The following AFF3 variants were observed in gnomAD, a reference collection of about 807,000 sequenced individuals.
AFF3 encodes the protein ALF transcription elongation factor 3.
A neutral mutation model predicts 129.7 loss-of-function variants in AFF3; 32 were observed. The observed-to-expected ratio is 0.25, with a 90% CI of 0.19 to 0.33. AFF3 has a LOEUF of 0.33. AFF3 is among the 10% of genes least tolerant of loss of function. The probability of loss-of-function intolerance (pLI) is 1.00; values close to 1 mark genes in which losing one functional copy is unlikely to be tolerated. For synonymous variants in AFF3, 644 were observed against 635.4 expected, an observed-to-expected ratio of 1.01 and a Z score of -0.20; for missense variants, 1,373 against 1,592.0, an observed-to-expected ratio of 0.86 and a Z score of 2.34.
chr2:99,560,233 T>C (rs752900372), intron 21 of AFF3, 132 bp downstream of exon 21: 3 of 922,822 alleles, frequency 3.3e-6, no homozygotes, highest in Non-Finnish European at 5.0e-6. Context: ...GGACTTTCCC[T>C]GGTCATTAGA....
intron 12 of AFF3, among the ~76,000 whole-genome samples, chr2:99,661,389 T>A (rs1390798329): frequency 6.6e-6 from 1 of 152,248 alleles, no homozygotes; most frequent in Non-Finnish European, 1.5e-5. Context: ...AAAATGTAGA[T>A]CCTTTTATGA....
In AFF3 at chr2:99,837,607, C is replaced by T. The variant is rs375693660; in HGVS notation, c.874-83G>A. ...GACATGCAAGGTTCCAAATTAGTCC[C>T]CCCCAACAAAAAAATTCAGCGAGTT... On this transcript the variant is annotated intron_variant, in intron 7 of 24. Coordinates refer to ENST00000672756, the MANE Select transcript of AFF3 (RefSeq NM_001386135.1). The T allele has an allele frequency of 7.7e-6, 10 of 1,297,370 alleles. No homozygotes were observed. The African/African-American group carries it at 1.3e-4, about 17-fold the overall frequency. 80.4% of individuals were successfully genotyped at this position (1,297,370 alleles called of 1,614,324 possible).
intron 7 of AFF3, among the ~76,000 whole-genome samples, chr2:99,986,795 G>A (rs966596074): frequency 6.6e-6 from 1 of 152,156 alleles, no homozygotes; most frequent in Non-Finnish European, 1.5e-5. Flanking sequence ...TTTCAGTAGG[G>A]TTGACTGGGA....
At chr2:100,128,626 T>C (rs999624665) in intron 2 of AFF3, among the ~76,000 whole-genome samples, 4 of 152,224 alleles carry the variant, frequency 2.6e-5, no homozygotes, top group African/African-American at 9.6e-5. Flanking sequence ...GCGACCTGCA[T>C]GCCTAGGTCA....
intron 7 of AFF3, among the ~76,000 whole-genome samples, chr2:99,980,040 C>T (rs998845178): frequency 6.7e-6 from 1 of 149,870 alleles, no homozygotes; most frequent in African/African-American, 2.4e-5. Flanking sequence ...TCTAAGTTTC[C>T]AGCCATTTTT....
intron 11 of AFF3, among the ~76,000 whole-genome samples, chr2:99,719,083 C>T (rs1678652817): frequency 7.9e-6 from 1 of 125,858 alleles, no homozygotes; most frequent in African/African-American, 3.0e-5. Flanking sequence ...TGATGGCCAT[C>T]ATTAGAATAA....
intron 8 of AFF3, among the ~76,000 whole-genome samples, chr2:99,778,320 T>C (rs974821186): frequency 6.6e-6 from 1 of 152,194 alleles, no homozygotes; most frequent in Non-Finnish European, 1.5e-5. Context: ...AGCTCAAAAA[T>C]ATTTGTTCAA....
At chr2:100,105,762 C>G in intron 2 of AFF3, 179 bp from the exon 3 acceptor site, 1 of 1,361,044 alleles carries the variant, frequency 7.3e-7, no homozygotes, top group African/African-American at 1.5e-5. Flanking sequence ...CCCTCCAAGG[C>G]CCCCTGACTC....
intron 4 of AFF3, among the ~76,000 whole-genome samples, chr2:100,059,624 A>G (rs1272374635): frequency 1.3e-5 from 2 of 152,252 alleles, no homozygotes; most frequent in African/African-American, 4.8e-5. Flanking sequence ...TATGTGAATT[A>G]TATCTGAATA....
intron 11 of AFF3, 88 bp from the exon 12 acceptor site, chr2:99,672,677 T>C (rs1687268965): frequency 4.9e-6 from 6 of 1,227,310 alleles, no homozygotes; most frequent in Non-Finnish European, 5.9e-6. Context: ...CTTAATGTTG[T>C]TATTAGAGCA....
chr2:100,010,132 G>C (rs531149850), intron 4 of AFF3, among the ~76,000 whole-genome samples: 29 of 152,286 alleles, frequency 1.9e-4, no homozygotes, highest in Non-Finnish European at 2.8e-4. Context: ...CTGTTATAAG[G>C]CTTAAATGTG....
At chr2:99,847,788 C>T (rs1333152160) in intron 7 of AFF3, among the ~76,000 whole-genome samples, 4 of 152,012 alleles carry the variant, frequency 2.6e-5, no homozygotes, top group Non-Finnish European at 5.9e-5. Flanking sequence ...AAGTTAGCCC[C>T]GGGTGATCCT....
At chr2:100,032,904 A>G (rs955419829) in intron 4 of AFF3, among the ~76,000 whole-genome samples, 20 of 152,238 alleles carry the variant, frequency 1.3e-4, no homozygotes, top group African/African-American at 3.6e-4. Context: ...AGTAATTACC[A>G]TAAGTAGTAA....
At chr2:100,023,440 A>G (rs904150197) in intron 4 of AFF3, among the ~76,000 whole-genome samples, 3 of 152,198 alleles carry the variant, frequency 2.0e-5, no homozygotes, top group African/African-American at 7.2e-5. Context: ...GATACTACAT[A>G]ATTTCTGGGA....
intron 12 of AFF3, among the ~76,000 whole-genome samples, chr2:99,653,388 T>C (rs1264998055): frequency 2.0e-5 from 3 of 152,162 alleles, no homozygotes; most frequent in Non-Finnish European, 4.4e-5. Context: ...GTCATGGAAA[T>C]AGACCAAGGC....
intron 12 of AFF3, among the ~76,000 whole-genome samples, chr2:99,663,589 G>A (rs904534602): frequency 1.3e-5 from 2 of 152,130 alleles, no homozygotes; most frequent in Non-Finnish European, 2.9e-5. Context: ...GTAAATTAAC[G>A]CCAATGGGGA....
chr2:99,731,809 T>C (rs1475250342), intron 10 of AFF3, among the ~76,000 whole-genome samples: 2 of 152,252 alleles, frequency 1.3e-5, no homozygotes, highest in African/African-American at 4.8e-5. Flanking sequence ...TTATGTCAAA[T>C]GAATTCTCAT....
In AFF3 at chr2:99,805,871, G is replaced by A. The variant is rs375142642; in HGVS notation, c.921+31606C>T. On this transcript the variant is annotated intron_variant, in intron 8 of 24. Coordinates refer to ENST00000672756, the MANE Select transcript of AFF3 (RefSeq NM_001386135.1). ...ACACACGATGAAGGAACATTTGCCC[G>A]CTCTTTTCATGGAACAGGATGCTTT... Among the ~76,000 whole-genome samples the A allele has an allele frequency of 5.2e-4, 77 of 148,498 alleles. No homozygotes were observed. The South Asian group carries it at 0.013, about 26-fold the overall frequency.
intron 5 of AFF3, 44 bp from the exon 6 acceptor site, chr2:100,007,504 G>T: frequency 6.5e-7 from 1 of 1,539,314 alleles, no homozygotes; most frequent in Non-Finnish European, 8.8e-7. Context: ...AGAGACAACA[G>T]AAACACCGGA....
Sources: allele counts gnomAD v4.1 joint callset (sites outside exome capture counted in the v4.1 genomes callset), GRCh38; gene constraint gnomAD v4.1.1; transcripts MANE v1.5; gene names NCBI Gene and HGNC (gene_info 2026-07-23, HGNC 2026-07-21).